The following KCNMA1 variants were observed in gnomAD, a reference collection of about 807,000 sequenced individuals.
The protein encoded by KCNMA1 is potassium calcium-activated channel subfamily M alpha 1.
A neutral mutation model predicts 140.0 loss-of-function variants in KCNMA1; 29 were observed. The observed-to-expected ratio is 0.21, with a 90% CI of 0.15 to 0.28. The LOEUF (loss-of-function observed/expected upper bound fraction) is 0.28, where lower values mean the gene tolerates loss of function less well. Ranked by LOEUF, KCNMA1 falls within the 10% of genes least tolerant of loss-of-function variation. The pLI is 1.00. For missense variants in KCNMA1, 880 were observed against 1,602.2 expected, an observed-to-expected ratio of 0.55 and a Z score of 7.70; for synonymous variants, 612 against 611.9, an observed-to-expected ratio of 1.00 and a Z score of 0.00.
chr10:76,928,939 A>G (rs2058541573), intron 23 of KCNMA1, among the ~76,000 whole-genome samples: 1 of 152,206 alleles, frequency 6.6e-6, no homozygotes, highest in Admixed American at 6.5e-5. Context: ...AGGGGCTTCA[A>G]AGTACTGCTG....
At chr10:77,020,434 A>T (rs1340935572) in intron 16 of KCNMA1, 1 of 152,166 alleles carries the variant, frequency 6.6e-6, no homozygotes, top group Non-Finnish European at 1.5e-5. Context: ...TGACAGGAGG[A>T]AACTGTACTT....
intron 25 of KCNMA1, among the ~76,000 whole-genome samples, chr10:76,894,995 G>A (rs965468609): frequency 6.6e-6 from 1 of 152,162 alleles, no homozygotes; most frequent in African/African-American, 2.4e-5. Flanking sequence ...CAAGCAGATA[G>A]CCCGGTGCCA....
At chr10:77,362,242 G>A (rs1037827044) in intron 2 of KCNMA1, among the ~76,000 whole-genome samples, 1 of 151,964 alleles carries the variant, frequency 6.6e-6, no homozygotes. Flanking sequence ...AGACCCTTCC[G>A]ATCCATTGTC....
At chr10:77,349,253 T>TC (rs2092582495) in intron 2 of KCNMA1, among the ~76,000 whole-genome samples, 2 of 152,066 alleles carry the variant, frequency 1.3e-5, no homozygotes, top group South Asian at 2.1e-4. Flanking sequence ...CCTTGCCCCT[T>TC]CCACCATGTG....
At position 77,108,609 on chromosome 10, in the gene KCNMA1, CA is replaced by C. The variant is rs773008778; in HGVS notation, c.1132-38del. 53 of 1,527,258 alleles carry C rather than the reference CA, an allele frequency of 3.5e-5. No individual in the cohort carries two copies. Among genetic ancestry groups the C allele is most frequent in the Non-Finnish European group, 4.6e-5 (51 of 1,103,866 alleles). The allele number at this position is 1,527,258 out of a possible 1,614,324, so 94.6% of individuals were successfully genotyped here. A position where few individuals can be genotyped will look rare whatever the true frequency, so the allele number is the denominator to read the frequency against. Reference sequence around the variant, plus strand: ...GGAGACAGAAGAGAGACTAAAAAGACAGGCCAAAGAAAAGGGGGGACCTGTT... The same window carrying C: ...GGAGACAGAAGAGAGACTAAAAAGACGGCCAAAGAAAAGGGGGGACCTGTT... On this transcript the variant is annotated intron_variant, in intron 8 of 27. Transcript: ENST00000286628. This position sits in a 1 kb window ranked among gnomAD's most constrained non-coding sequence, Gnocchi z 4.6.
intron 1 of KCNMA1, among the ~76,000 whole-genome samples, chr10:77,429,991 G>T (rs1047687728): frequency 6.6e-6 from 1 of 152,052 alleles, no homozygotes; most frequent in Non-Finnish European, 1.5e-5. Context: ...TAATCCTCAA[G>T]AAGATACAAG....
At chr10:77,169,226 T>A (rs1338485390) in intron 5 of KCNMA1, among the ~76,000 whole-genome samples, 3 of 152,028 alleles carry the variant, frequency 2.0e-5, no homozygotes, top group Non-Finnish European at 4.4e-5. Flanking sequence ...CGATGGAACA[T>A]ATCTGAGATT....
intron 1 of KCNMA1, among the ~76,000 whole-genome samples, chr10:77,418,759 G>C (rs768742914): frequency 1.3e-5 from 2 of 152,126 alleles, no homozygotes; most frequent in East Asian, 3.9e-4. Context: ...TTCTAAATTG[G>C]TGAATCTACT....
intron 1 of KCNMA1, among the ~76,000 whole-genome samples, chr10:77,445,393 C>T (rs531864734): frequency 1.3e-4 from 19 of 143,148 alleles, no homozygotes; most frequent in African/African-American, 4.8e-4. Context: ...CACACACACA[C>T]ACATATGAAA....
intron 19 of KCNMA1, chr10:76,975,167 TA>T (rs1381410073): frequency 6.6e-6 from 1 of 152,128 alleles, no homozygotes; most frequent in Non-Finnish European, 1.5e-5. Context: ...AAATGAAGGG[TA>T]TGGAGTGATG....
chr10:76,977,881 C>T (rs1344548635), intron 19 of KCNMA1: 1 of 484,910 alleles, frequency 2.1e-6, no homozygotes, highest in African/African-American at 1.9e-5. Context: ...CGAACCACAT[C>T]TACCGTGAGC....
chr10:77,295,076 G>A (rs2074498532), intron 2 of KCNMA1, among the ~76,000 whole-genome samples: 1 of 151,710 alleles, frequency 6.6e-6, no homozygotes, highest in Non-Finnish European at 1.5e-5. Context: ...GGCCGGGTGT[G>A]GTGGCTCAGG....
At chr10:77,566,473 T>C (rs574332816) in intron 1 of KCNMA1, among the ~76,000 whole-genome samples, 1 of 152,310 alleles carries the variant, frequency 6.6e-6, no homozygotes, top group African/African-American at 2.4e-5. Context: ...AGTGATGTCA[T>C]CAGCAAGCCT....
At chr10:77,211,034 T>C (rs1257708051) in intron 3 of KCNMA1, among the ~76,000 whole-genome samples, 6 of 152,128 alleles carry the variant, frequency 3.9e-5, no homozygotes, top group Non-Finnish European at 8.8e-5. Flanking sequence ...AAACTACCAA[T>C]AACATTCTTC....
At chr10:77,211,528 C>G (rs890139722) in intron 3 of KCNMA1, among the ~76,000 whole-genome samples, 1 of 152,138 alleles carries the variant, frequency 6.6e-6, no homozygotes, top group African/African-American at 2.4e-5. Flanking sequence ...AAATACCCAT[C>G]TCAACATCAG....
At chr10:77,055,488 C>G (rs2095512239) in intron 14 of KCNMA1, among the ~76,000 whole-genome samples, 1 of 144,342 alleles carries the variant, frequency 6.9e-6, no homozygotes. Context: ...TCCTCCCTCT[C>G]TTCCTTCCTC....
intron 1 of KCNMA1, among the ~76,000 whole-genome samples, chr10:77,499,701 T>A (rs2043188885): frequency 6.6e-6 from 1 of 152,300 alleles, no homozygotes; most frequent in East Asian, 1.9e-4. Flanking sequence ...ATTTTTCATA[T>A]TTGTAATTAA....
intron 1 of KCNMA1, among the ~76,000 whole-genome samples, chr10:77,616,690 C>A (rs2089643798): frequency 6.6e-6 from 1 of 152,000 alleles, no homozygotes; most frequent in African/African-American, 2.4e-5. Flanking sequence ...CCTGTAATCC[C>A]AGCTACTCGG....
chr10:77,463,202 A>T (rs1358259114), intron 1 of KCNMA1, among the ~76,000 whole-genome samples: 1 of 152,136 alleles, frequency 6.6e-6, no homozygotes, highest in Non-Finnish European at 1.5e-5. Context: ...AAACTGGCTC[A>T]GAGAGAGCCT....
Sources: allele counts gnomAD v4.1 joint callset (sites outside exome capture counted in the v4.1 genomes callset), GRCh38; gene constraint gnomAD v4.1.1; non-coding constraint Gnocchi (gnomAD v3.1); transcripts MANE v1.5; gene names NCBI Gene and HGNC (gene_info 2026-07-23, HGNC 2026-07-21).